Variants in GPR137B observed in about 807,000 individuals in gnomAD.
GPR137B encodes G protein-coupled receptor 137B, also known as integral membrane protein GPR137B.
In GPR137B, 42 loss-of-function variants were observed where a neutral mutation model predicts 42.5. That is an observed-to-expected ratio of 0.99 (90% CI 0.77 to 1.28). The LOEUF (loss-of-function observed/expected upper bound fraction) is 1.28, where lower values mean the gene tolerates loss of function less well. Among genes scored for constraint, GPR137B ranks in the 50% most tolerant of loss-of-function variants. The probability of loss-of-function intolerance (pLI) is 0.00; values close to 1 mark genes in which losing one functional copy is unlikely to be tolerated. For missense variants in GPR137B, 487 were observed against 493.9 expected (o/e 0.99, Z 0.13); for synonymous variants, 218 against 209.7 (o/e 1.04, Z -0.34).
chr1:236,198,770 C>T (rs1158507848), intron 5 of GPR137B, among the ~76,000 whole-genome samples: 5 of 151,880 alleles, frequency 3.3e-5, no homozygotes, highest in African/African-American at 2.4e-5. Flanking sequence ...TCAGCTTGGT[C>T]GTTGTTGGTG....
At chr1:236,181,840 A>G (rs1021544233) in intron 4 of GPR137B, among the ~76,000 whole-genome samples, 3 of 150,186 alleles carry the variant, frequency 2.0e-5, no homozygotes, top group Non-Finnish European at 4.4e-5. Context: ...AGACAATCAT[A>G]ATACACAAAG....
Position 236,184,857 on chromosome 1 carries a change from C to T in GPR137B, c.966+951C>T, listed in dbSNP as rs1184028330. 4.6e-5 allele frequency among the ~76,000 whole-genome samples: 7 copies of T among 152,174 alleles called. No individual in the cohort carries two copies. The East Asian group carries it at 1.2e-3, about 25-fold the overall frequency. Reference sequence around the variant, plus strand: ...TCTCAGCTCACTGCAACCTCCGCCTCCCGGGTTTAAGCGATTCTCCTGCCT... The same window carrying T: ...TCTCAGCTCACTGCAACCTCCGCCTTCCGGGTTTAAGCGATTCTCCTGCCT... On this transcript the variant is annotated intron_variant, in intron 5 of 6. Transcript: ENST00000366592.
chr1:236,206,957 G>T (rs1288843622), intron 6 of GPR137B, among the ~76,000 whole-genome samples: 4 of 152,258 alleles, frequency 2.6e-5, no homozygotes, highest in Middle Eastern at 3.4e-3. Context: ...AAAGTGAAAG[G>T]TTATCTTATG....
At chr1:236,176,291 A>G (rs542833141) in intron 2 of GPR137B, among the ~76,000 whole-genome samples, 44 of 152,192 alleles carry the variant, frequency 2.9e-4, no homozygotes, top group Admixed American at 4.6e-4. Flanking sequence ...TCGAATCCCT[A>G]AGACTTCACA....
chr1:236,165,726 A>C (rs752647676), intron 1 of GPR137B, among the ~76,000 whole-genome samples: 1 of 152,220 alleles, frequency 6.6e-6, no homozygotes, highest in South Asian at 2.1e-4. Context: ...TGTATACCGT[A>C]TGTTTCTCTT....
At chr1:236,179,527 C>T (rs1662805371) in intron 3 of GPR137B, among the ~76,000 whole-genome samples, 1 of 152,166 alleles carries the variant, frequency 6.6e-6, no homozygotes. Flanking sequence ...GCCCCGGGCT[C>T]ACCTGCTGCG....
chr1:236,201,618 GTTT>G (rs1558496555), intron 5 of GPR137B, among the ~76,000 whole-genome samples: 1 of 152,026 alleles, frequency 6.6e-6, no homozygotes, highest in Non-Finnish European at 1.5e-5. Flanking sequence ...AGTTGTGACA[GTTT>G]TTTATTATAT....
chr1:236,179,940 G>C lies in GPR137B; in HGVS notation c.749G>C (p.Arg250Pro). The C allele has an allele frequency of 6.2e-7, 1 of 1,612,184 alleles. No homozygotes were observed. Among genetic ancestry groups the C allele is most frequent in the Non-Finnish European group, 8.5e-7 (1 of 1,178,698 alleles). ...ACCGTGATACTGCTTTACACCTCTC[G>C]GGCCTGCTACAACCTGTTCATCCTG... ...GVTVILLYTS[R>P]ACYNLFILSF... The change falls in exon 4 of 7, where the codon CGG becomes CCG. Residue 250 changes from arginine (R) to proline (P), a missense_variant. Arg to Pro is a moderately radical substitution (Grantham distance 103, BLOSUM62 -2). Coordinates refer to ENST00000366592, the MANE Select transcript of GPR137B (RefSeq NM_003272.4).
intron 4 of GPR137B, among the ~76,000 whole-genome samples, chr1:236,182,947 T>A (rs1334701679): frequency 6.6e-6 from 1 of 152,138 alleles, no homozygotes; most frequent in African/African-American, 2.4e-5. Flanking sequence ...GGAGATGTGA[T>A]ATAGAGGAAG....
In GPR137B at chr1:236,205,154, G is replaced by A; in HGVS notation, c.995G>A (p.Gly332Glu). The A allele has an allele frequency of 2.5e-6, 4 of 1,613,182 alleles. No homozygotes were observed. The highest frequency in any genetic ancestry group is 3.4e-6 in the Non-Finnish European group (4 of 1,179,188). ...AACCCTGGAATGGTCCCCAGCCATG[G>A]ATTCAGTCCCAGATCTTATTTCTTT... ...LTNPGMVPSH[G>E]FSPRSYFFDN... The change falls in exon 6 of 7, where the codon GGA (glycine) becomes GAA (glutamate). Residue 332 changes from glycine (G) to glutamate (E), a missense_variant. Transcript: ENST00000366592.
intron 5 of GPR137B, among the ~76,000 whole-genome samples, chr1:236,190,898 G>T (rs1009129488): frequency 6.6e-6 from 1 of 152,158 alleles, no homozygotes; most frequent in African/African-American, 2.4e-5. Flanking sequence ...GTCTTGCTAG[G>T]TTGGAGAAGT....
chr1:236,153,630 C>G (rs1399862850), intron 1 of GPR137B, among the ~76,000 whole-genome samples: 1 of 152,220 alleles, frequency 6.6e-6, no homozygotes, highest in African/African-American at 2.4e-5. Flanking sequence ...CTGCGTGGAA[C>G]TTAGCCTTGA....
chr1:236,180,974 G>T (rs1190784713), intron 4 of GPR137B, among the ~76,000 whole-genome samples: 1 of 152,130 alleles, frequency 6.6e-6, no homozygotes, highest in Non-Finnish European at 1.5e-5. Flanking sequence ...ATTAAAGGGT[G>T]ACATTTGCAG....
At chr1:236,174,598 G>A (rs1662631190) in intron 2 of GPR137B, among the ~76,000 whole-genome samples, 1 of 152,180 alleles carries the variant, frequency 6.6e-6, no homozygotes, top group Non-Finnish European at 1.5e-5. Flanking sequence ...ATAGGGGGTG[G>A]ATGGAATCAA....
At chr1:236,161,597 ATTGT>A (rs1219651401) in intron 1 of GPR137B, among the ~76,000 whole-genome samples, 1 of 151,924 alleles carries the variant, frequency 6.6e-6, no homozygotes, top group African/African-American at 2.4e-5. Context: ...CTCAACTTGA[ATTGT>A]ATCTCCCAGA....
rs66639028 is a variant in GPR137B, at chr1:236,173,290, C to CAA, written c.464+4549_464+4550dup. 2.2e-4 allele frequency among the ~76,000 whole-genome samples: 19 copies of CAA among 86,436 alleles called. 1 individual carries two copies. The highest frequency in any genetic ancestry group is 1.1e-3 in the Admixed American group (9 of 7,974). 56.7% of individuals were successfully genotyped at this position (86,436 alleles called of 152,430 possible). ...TGGGTGACAGAGCAAGACCCTGTCT[C>CAA]AAAAAAAAAAAAAAAGAAGAAAGAA... On this transcript the variant is annotated intron_variant, in intron 2 of 6. Transcript: ENST00000366592.
intron 4 of GPR137B, among the ~76,000 whole-genome samples, chr1:236,182,008 T>A (rs1349172322): frequency 6.6e-6 from 1 of 151,330 alleles, no homozygotes; most frequent in Non-Finnish European, 1.5e-5. Flanking sequence ...TTCTTCTGCC[T>A]CAGCCTCCTG....
At chr1:236,184,312 G>A (rs1393431930) in intron 5 of GPR137B, among the ~76,000 whole-genome samples, 2 of 152,178 alleles carry the variant, frequency 1.3e-5, no homozygotes, top group Non-Finnish European at 2.9e-5. Context: ...ATAGTATGCC[G>A]GATGGCGACT....
chr1:236,173,302 AAAAG>A (rs1047867206), intron 2 of GPR137B, among the ~76,000 whole-genome samples: 11 of 151,148 alleles, frequency 7.3e-5, no homozygotes, highest in East Asian at 2.0e-4. Context: ...AAAAAAAAAA[AAAAG>A]AAGAAAGAAA....
Sources: allele counts gnomAD v4.1 joint callset (sites outside exome capture counted in the v4.1 genomes callset), GRCh38; gene constraint gnomAD v4.1.1; transcripts MANE v1.5; gene names NCBI Gene and HGNC (gene_info 2026-07-23, HGNC 2026-07-21).